KCNH7: variants seen among roughly 807,000 people sequenced by gnomAD.
The protein encoded by KCNH7 is potassium voltage-gated channel subfamily H member 7.
KCNH7 carries 49 observed loss-of-function variants against 120.8 expected under a neutral mutation model. That is an observed-to-expected ratio of 0.41 (90% CI 0.32 to 0.51). The LOEUF (loss-of-function observed/expected upper bound fraction) is 0.51, where lower values mean the gene tolerates loss of function less well. Among genes scored for constraint, KCNH7 ranks in the 20% least tolerant of loss-of-function variants. The probability of loss-of-function intolerance (pLI) is 0.38; values close to 1 mark genes in which losing one functional copy is unlikely to be tolerated. For missense variants in KCNH7, 1,097 were observed against 1,446.6 expected (o/e 0.76, Z 3.92); for synonymous variants, 547 against 516.1 (o/e 1.06, Z -0.81).
chr2:162,430,795 C>T (rs1377417561), intron 8 of KCNH7, among the ~76,000 whole-genome samples: 1 of 151,806 alleles, frequency 6.6e-6, no homozygotes, highest in African/African-American at 2.4e-5. Context: ...AATCAAGATG[C>T]TTGTCAAGCA....
intron 12 of KCNH7, among the ~76,000 whole-genome samples, chr2:162,390,242 TTATA>T (rs905681264): frequency 6.7e-6 from 1 of 150,270 alleles, no homozygotes; most frequent in African/African-American, 2.5e-5. Context: ...TATAATCGCA[TTATA>T]TATATATACA....
intron 2 of KCNH7, among the ~76,000 whole-genome samples, chr2:162,746,688 T>A (rs1688327338): frequency 6.6e-6 from 1 of 152,154 alleles, no homozygotes; most frequent in Non-Finnish European, 1.5e-5. Context: ...AGATAAAATA[T>A]CAATAAATTT....
chr2:162,618,497 T>C (rs1037073240), intron 2 of KCNH7, among the ~76,000 whole-genome samples: 1 of 152,064 alleles, frequency 6.6e-6, no homozygotes, highest in Admixed American at 6.5e-5. Flanking sequence ...CAGAAATCAC[T>C]AGTTTAAAAA....
chr2:162,499,199 A>C (rs1690594892), intron 6 of KCNH7, among the ~76,000 whole-genome samples: 1 of 152,166 alleles, frequency 6.6e-6, no homozygotes, highest in African/African-American at 2.4e-5. Flanking sequence ...CAGGAATAAC[A>C]AAATCTTAGA....
intron 2 of KCNH7, among the ~76,000 whole-genome samples, chr2:162,757,688 A>T (rs1688834774): frequency 6.6e-6 from 1 of 152,146 alleles, no homozygotes; most frequent in Admixed American, 6.6e-5. Context: ...CATGAAAAAA[A>T]AATTTACCCC....
chr2:162,544,863 T>G lies in KCNH7; in HGVS notation c.308-7783A>C, dbSNP rs1011488448. ...GCTCATGACCGTTTTCCTTCTACCCTCCCTTTCATTGGCTTAGGACTTTTT... is the reference window on the plus strand; with the variant it reads ...GCTCATGACCGTTTTCCTTCTACCCGCCCTTTCATTGGCTTAGGACTTTTT... On this transcript the variant is annotated intron_variant, in intron 2 of 15. Coordinates refer to ENST00000332142, the MANE Select transcript of KCNH7 (RefSeq NM_033272.4). Among the ~76,000 whole-genome samples, 8 of 152,182 alleles carry G rather than the reference T, an allele frequency of 5.3e-5. No individual in the cohort carries two copies. In the East Asian group the frequency reaches 1.6e-3, roughly 29 times the overall value.
At chr2:162,394,016 T>C (rs1686825604) in intron 12 of KCNH7, among the ~76,000 whole-genome samples, 1 of 151,976 alleles carries the variant, frequency 6.6e-6, no homozygotes, top group Non-Finnish European at 1.5e-5. Flanking sequence ...CTAACAAATG[T>C]GGCCTTCATC....
At chr2:162,450,015 C>T (rs150293208) in intron 6 of KCNH7, among the ~76,000 whole-genome samples, 7 of 152,094 alleles carry the variant, frequency 4.6e-5, no homozygotes, top group African/African-American at 1.7e-4. Flanking sequence ...CAACATTTTT[C>T]TCTGTTCTAA....
intron 2 of KCNH7, among the ~76,000 whole-genome samples, chr2:162,576,648 T>G: frequency 9.3e-6 from 1 of 108,092 alleles, no homozygotes; most frequent in East Asian, 2.3e-4. Context: ...GTGTTTTGGG[T>G]TTTTTGGGGT....
At chr2:162,671,680 A>G (rs1490816569) in intron 2 of KCNH7, among the ~76,000 whole-genome samples, 2 of 152,060 alleles carry the variant, frequency 1.3e-5, no homozygotes, top group African/African-American at 4.8e-5. Flanking sequence ...TATCTATGTA[A>G]CATAACTGCA....
At chr2:162,468,738 C>A (rs1689392169) in intron 6 of KCNH7, among the ~76,000 whole-genome samples, 1 of 151,742 alleles carries the variant, frequency 6.6e-6, no homozygotes, top group African/African-American at 2.4e-5. Flanking sequence ...GCCAGGATGG[C>A]CTCAATCTCC....
chr2:162,564,622 C>T (rs949591552), intron 2 of KCNH7, among the ~76,000 whole-genome samples: 1 of 152,056 alleles, frequency 6.6e-6, no homozygotes, highest in African/African-American at 2.4e-5. Context: ...ATTATTTTCC[C>T]ACATTGCAGA....
rs193256169 is a variant in KCNH7, at chr2:162,755,315, A to C, written c.307+81222T>G. On this transcript the variant is annotated intron_variant, in intron 2 of 15. Coordinates refer to ENST00000332142, the MANE Select transcript of KCNH7 (RefSeq NM_033272.4). ...GAAACTCCATCTCTACTAAAAATAC[A>C]AAAAAAATTAGCCAGGTTTGGTGGT... Among the ~76,000 whole-genome samples the C allele has an allele frequency of 2.1e-3, 308 of 149,628 alleles. 1 individual carries two copies. The highest frequency in any genetic ancestry group is 3.3e-3 in the Non-Finnish European group (218 of 66,014).
chr2:162,469,697 C>CTCTCCCTCTCCCCACGG (rs1689431798), intron 6 of KCNH7, among the ~76,000 whole-genome samples: 1 of 151,752 alleles, frequency 6.6e-6, no homozygotes, highest in Admixed American at 6.6e-5. Flanking sequence ...CCCCCTCTCC[C>CTCTCCCTCTCCCCACGG]TCTCCCTCTC....
chr2:162,732,511 C>T (rs1687766829), intron 2 of KCNH7, among the ~76,000 whole-genome samples: 1 of 152,026 alleles, frequency 6.6e-6, no homozygotes, highest in African/African-American at 2.4e-5. Flanking sequence ...TTAAAAGTCA[C>T]ATTTTAGGGA....
chr2:162,771,818 A>T (rs891686905), intron 2 of KCNH7: 4 of 152,124 alleles, frequency 2.6e-5, no homozygotes, highest in Non-Finnish European at 4.4e-5. Flanking sequence ...AATTATTGTT[A>T]TAATACTATG....
Position 162,619,110 on chromosome 2 carries a change from G to T in KCNH7, c.308-82030C>A, listed in dbSNP as rs111453580. ...CTATCCATTCATTTATTCATTCATT[G>T]AATTACTTTTCATCAATTGTGTGTC... On this transcript the variant is annotated intron_variant, in intron 2 of 15. Coordinates refer to ENST00000332142, the MANE Select transcript of KCNH7 (RefSeq NM_033272.4). Among the ~76,000 whole-genome samples, 595 of 152,130 alleles carry T rather than the reference G, an allele frequency of 3.9e-3. 2 individuals are homozygous for T. The highest frequency in any genetic ancestry group is 0.014 in the African/African-American group (567 of 41,530).
chr2:162,523,165 T>C (rs1372486811), intron 3 of KCNH7, among the ~76,000 whole-genome samples: 1 of 151,884 alleles, frequency 6.6e-6, no homozygotes, highest in East Asian at 2.0e-4. Flanking sequence ...TTTGGTGTTT[T>C]CTTGGGTCAT....
In KCNH7 at chr2:162,396,404, A is replaced by T. The variant is rs76909312; in HGVS notation, c.2613+336T>A. ...CTAACCTCTGTATAAGATAAACTCA[A>T]GTAATTTTCAACAGCCTAAAATCAC... On this transcript the variant is annotated intron_variant, in intron 11 of 15. Coordinates refer to ENST00000332142, the MANE Select transcript of KCNH7 (RefSeq NM_033272.4). 6.7e-3 allele frequency among the ~76,000 whole-genome samples: 1,023 copies of T among 151,954 alleles called. 8 individuals carry two copies. The highest frequency in any genetic ancestry group is 0.024 in the African/African-American group (983 of 41,520).
Sources: gnomAD v4.1 joint callset for allele counts (sites outside exome capture counted in the v4.1 genomes callset) on GRCh38, gnomAD v4.1.1 for gene constraint, MANE v1.5 for transcripts, NCBI Gene and HGNC (gene_info 2026-07-23, HGNC 2026-07-21) for gene names.